SPATA6L: variants seen among roughly 807,000 people sequenced by gnomAD.
SPATA6L encodes the protein spermatogenesis associated 6-like protein.
In SPATA6L, 68 loss-of-function variants were observed where a neutral mutation model predicts 49.2. The ratio of observed to expected loss-of-function variants is 1.38; its 90% CI spans 1.14 to 1.69. The LOEUF is 1.69. Among genes scored for constraint, SPATA6L ranks in the 40% most tolerant of loss-of-function variants. The pLI is 0.00. For missense variants in SPATA6L, 668 were observed against 464.3 expected (o/e 1.44, Z -4.03); for synonymous variants, 198 against 165.7 (o/e 1.19, Z -1.50).
Position 4,618,882 on chromosome 9 carries a change from G to A in SPATA6L, c.789C>T (p.Ser263=). 6.2e-7 allele frequency: 1 copy of A among 1,613,114 alleles called. No homozygotes were observed. Among genetic ancestry groups the A allele is most frequent in the Non-Finnish European group, 8.5e-7 (1 of 1,179,330 alleles). The change falls in exon 8 of 12, where the codon AGC becomes AGT. Residue 263 remains serine, a synonymous_variant. Transcript: ENST00000682582. ...AAATTACCTTTACGTTAGCTGCAAG[G>A]CTGTCAAGAGAAGAAGCTAGAAGAA... ...FPTRRASSLD[S]LAANVKVIKE...
At chr9:4,638,763 CTCTTTTCTTTTCTTT>C (rs531360522) in intron 3 of SPATA6L, among the ~76,000 whole-genome samples, 2 of 149,146 alleles carry the variant, frequency 1.3e-5, no homozygotes, top group East Asian at 2.0e-4. Context: ...GTGTTAAGAA[CTCTTTTCTTTTCTTT>C]TCTTTTCTTT....
rs1823012357 is a variant in SPATA6L, at chr9:4,600,647, T to A, written c.*164A>T. 6.6e-6 allele frequency: 1 copy of A among 152,122 alleles called. No individual in the cohort carries two copies. Among genetic ancestry groups the A allele is most frequent in the African/African-American group, 2.4e-5 (1 of 41,424 alleles). 9.4% of individuals were successfully genotyped at this position (152,122 alleles called of 1,614,324 possible). A position where few individuals can be genotyped will look rare whatever the true frequency, so the allele number is the denominator to read the frequency against. ...AACAGCAAACACTTTAATCAACAACTCTTACCTGGGCACAAAAGACTGAGT... is the reference window on the plus strand; with the variant it reads ...AACAGCAAACACTTTAATCAACAACACTTACCTGGGCACAAAAGACTGAGT... On this transcript the variant is annotated 3_prime_UTR_variant, in exon 12 of 12. Transcript: ENST00000682582.
At chr9:4,653,317 T>C (rs1205022563) in intron 3 of SPATA6L, among the ~76,000 whole-genome samples, 1 of 152,208 alleles carries the variant, frequency 6.6e-6, no homozygotes, top group Non-Finnish European at 1.5e-5. Flanking sequence ...TGCAAAAGAA[T>C]GAAGTTGGTC....
intron 13 of SPATA6L, among the ~76,000 whole-genome samples, chr9:4,591,342 G>A (rs138753519): frequency 7.9e-4 from 120 of 152,222 alleles, no homozygotes; most frequent in African/African-American, 2.7e-3. Flanking sequence ...AATAACAAAA[G>A]GCCAGCCAAA....
intron 3 of SPATA6L, among the ~76,000 whole-genome samples, chr9:4,637,126 T>A (rs958276887): frequency 3.3e-5 from 5 of 152,194 alleles, no homozygotes; most frequent in Admixed American, 6.5e-5. Flanking sequence ...TCTCTCCTAA[T>A]TCATTTATTG....
intron 13 of SPATA6L, among the ~76,000 whole-genome samples, chr9:4,590,497 C>T (rs1269359635): frequency 6.6e-6 from 1 of 152,162 alleles, no homozygotes; most frequent in Non-Finnish European, 1.5e-5. Context: ...CTCCGCTTGG[C>T]CTGCCACTTT....
intron 4 of SPATA6L, among the ~76,000 whole-genome samples, chr9:4,632,539 T>C (rs1437174429): frequency 1.3e-5 from 2 of 149,784 alleles, no homozygotes; most frequent in East Asian, 3.9e-4. Context: ...GAGGTTGCAG[T>C]GAGCCGAGAT....
At chr9:4,621,304 G>GGA (rs2130397104) in intron 7 of SPATA6L, among the ~76,000 whole-genome samples, 1 of 152,230 alleles carries the variant, frequency 6.6e-6, no homozygotes, top group African/African-American at 2.4e-5. Flanking sequence ...TGTGGTCCAG[G>GGA]GATCTCCCCC....
At chr9:4,653,420 G>A (rs1206794362) in intron 3 of SPATA6L, among the ~76,000 whole-genome samples, 1 of 152,178 alleles carries the variant, frequency 6.6e-6, no homozygotes, top group Non-Finnish European at 1.5e-5. Context: ...AAACATAGAT[G>A]TAAGTCTTCA....
intron 3 of SPATA6L, among the ~76,000 whole-genome samples, chr9:4,651,377 C>T (rs542348138): frequency 7.2e-5 from 11 of 152,212 alleles, no homozygotes; most frequent in African/African-American, 2.4e-4. Flanking sequence ...CAAAAAACAA[C>T]CCAAAGACAA....
intron 11 of SPATA6L, 145 bp downstream of exon 11, chr9:4,604,034 G>A: frequency 1.8e-6 from 1 of 563,880 alleles, no homozygotes; most frequent in Non-Finnish European, 3.1e-6. Flanking sequence ...CAGAGCAAGG[G>A]AAGAACGCAG....
intron 11 of SPATA6L, 42 bp downstream of exon 11, chr9:4,604,137 T>A (rs771258764): frequency 4.6e-5 from 62 of 1,342,714 alleles, no homozygotes; most frequent in Middle Eastern, 3.9e-4. Context: ...CAAACCAAGA[T>A]AAGGAGAAGC....
intron 5 of SPATA6L, chr9:4,627,697 G>T (rs1830602962): frequency 7.8e-7 from 1 of 1,279,240 alleles, no homozygotes; most frequent in East Asian, 5.6e-5. Flanking sequence ...TAGGACTGAA[G>T]AAGCAAGTAA....
intron 2 of SPATA6L, 57 bp downstream of exon 2, chr9:4,661,842 A>T (rs1466251345): frequency 1.3e-6 from 2 of 1,582,852 alleles, no homozygotes; most frequent in Admixed American, 1.8e-5. Flanking sequence ...TCTGTTCTTT[A>T]TAAGAACTCT....
intron 2 of SPATA6L, among the ~76,000 whole-genome samples, chr9:4,660,795 T>A (rs1255604847): frequency 1.3e-5 from 2 of 152,176 alleles, no homozygotes; most frequent in African/African-American, 4.8e-5. Context: ...TGTCCATCAG[T>A]GATAGACTGG....
At chr9:4,614,367 A>T (rs533813751) in intron 9 of SPATA6L, among the ~76,000 whole-genome samples, 1 of 152,292 alleles carries the variant, frequency 6.6e-6, no homozygotes, top group Admixed American at 6.5e-5. Context: ...TACTGACTTC[A>T]GTATTAAGTT....
intron 2 of SPATA6L, among the ~76,000 whole-genome samples, chr9:4,658,756 C>T (rs142692113): frequency 1.3e-4 from 20 of 152,156 alleles, no homozygotes; most frequent in African/African-American, 3.9e-4. Flanking sequence ...CTTTGGAAGG[C>T]CAAGGCGGGC....
At chr9:4,626,824 C>G in intron 5 of SPATA6L, 2 of 210,660 alleles carry the variant, frequency 9.5e-6, no homozygotes, top group South Asian at 7.9e-5. Flanking sequence ...CACAAGAGTA[C>G]CTGAGGACAT....
chr9:4,646,560 C>T lies in SPATA6L; in HGVS notation c.226+9481G>A, dbSNP rs763997748. The T allele has an allele frequency of 1.5e-4, 206 of 1,366,430 alleles. 1 individual carries two copies. In the East Asian group the frequency reaches 5.4e-3, roughly 36 times the overall value. The allele number at this position is 1,366,430 out of a possible 1,614,324, so 84.6% of individuals were successfully genotyped here. On this transcript the variant is annotated intron_variant, in intron 3 of 11. Coordinates refer to ENST00000682582, the MANE Select transcript of SPATA6L (RefSeq NM_001353486.2). Reference sequence around the variant, plus strand: ...AGGAAAAAATGAGATTTTAATACTTCCAAAAATTGCCACAGTCTTTCAATA... The same window carrying T: ...AGGAAAAAATGAGATTTTAATACTTTCAAAAATTGCCACAGTCTTTCAATA...
Sources: gnomAD v4.1 joint callset for allele counts (sites outside exome capture counted in the v4.1 genomes callset) on GRCh38, gnomAD v4.1.1 for gene constraint, MANE v1.5 for transcripts, NCBI Gene and HGNC (gene_info 2026-07-23, HGNC 2026-07-21) for gene names.